Variants in MTA3 observed in about 807,000 individuals in gnomAD.
The protein encoded by MTA3 is metastasis associated 1 family member 3, also known as metastasis-associated protein MTA3.
In MTA3, 34 loss-of-function variants were observed where a neutral mutation model predicts 83.5. That is an observed-to-expected ratio of 0.41 (90% CI 0.31 to 0.54). The LOEUF (loss-of-function observed/expected upper bound fraction) is 0.54. Among genes scored for constraint, MTA3 ranks in the 20% least tolerant of loss-of-function variants. MTA3 has a pLI of 0.33. For missense variants in MTA3, 761 were observed against 726.4 expected, an observed-to-expected ratio of 1.05 and a Z score of -0.55; for synonymous variants, 303 against 252.7, an observed-to-expected ratio of 1.20 and a Z score of -1.89.
chr2:42,621,525 ACTT>A (rs1318093961), intron 4 of MTA3, among the ~76,000 whole-genome samples: 3 of 150,532 alleles, frequency 2.0e-5, no homozygotes, highest in African/African-American at 7.3e-5. Flanking sequence ...TCCTATGTCT[ACTT>A]CTTTCTACAC....
intron 9 of MTA3, among the ~76,000 whole-genome samples, chr2:42,683,828 G>A (rs962389146): frequency 6.6e-6 from 1 of 152,144 alleles, no homozygotes; most frequent in African/African-American, 2.4e-5. Context: ...AGCTTCGCTC[G>A]CTTGTCCATT....
chr2:42,570,053 G>C (rs1208830946), intron 1 of MTA3, among the ~76,000 whole-genome samples: 1 of 151,868 alleles, frequency 6.6e-6, no homozygotes, highest in African/African-American at 2.4e-5. Context: ...TTTTATGTGA[G>C]AAGCAGCCTG....
At chr2:42,667,586 G>GTT in intron 8 of MTA3, among the ~76,000 whole-genome samples, 1 of 130,050 alleles carries the variant, frequency 7.7e-6, no homozygotes, top group African/African-American at 3.0e-5. Context: ...GTGTGTGTGT[G>GTT]TGTGTGTGTG....
intron 16 of MTA3, among the ~76,000 whole-genome samples, chr2:42,745,054 G>C (rs903869563): frequency 6.6e-6 from 1 of 152,166 alleles, no homozygotes; most frequent in African/African-American, 2.4e-5. Flanking sequence ...CCTTCCAAAT[G>C]ACTGAGCACT....
At chr2:42,518,775 G>A (rs1175797786) in intron 2 of MTA3, among the ~76,000 whole-genome samples, 1 of 151,978 alleles carries the variant, frequency 6.6e-6, no homozygotes, top group African/African-American at 2.4e-5. Context: ...AGACCAACCT[G>A]GGCAACATAG....
intron 7 of MTA3, among the ~76,000 whole-genome samples, chr2:42,659,038 C>T (rs1268902985): frequency 1.3e-5 from 2 of 151,812 alleles, no homozygotes; most frequent in Non-Finnish European, 2.9e-5. Flanking sequence ...GTTGAGGCTG[C>T]AGTGAGCTAT....
intron 16 of MTA3, among the ~76,000 whole-genome samples, chr2:42,731,980 T>C (rs551359424): frequency 8.8e-4 from 134 of 152,326 alleles, no homozygotes; most frequent in African/African-American, 3.1e-3. Flanking sequence ...GGCAGTCAAA[T>C]TTTAAAGCTC....
intron 2 of MTA3, among the ~76,000 whole-genome samples, chr2:42,539,577 C>CTTTTTTT (rs34577240): frequency 2.1e-5 from 2 of 96,650 alleles, no homozygotes; most frequent in Non-Finnish European, 4.0e-5. Flanking sequence ...AATTGTAAAG[C>CTTTTTTT]TTTTTTTTTT....
intron 12 of MTA3, 106 bp downstream of exon 12, chr2:42,704,424 A>C: frequency 7.4e-7 from 1 of 1,356,402 alleles, no homozygotes. Context: ...CTTGGAAGGC[A>C]CAAGCATGTC....
chr2:42,511,006 A>G (rs1674873027), intron 2 of MTA3, among the ~76,000 whole-genome samples: 1 of 152,204 alleles, frequency 6.6e-6, no homozygotes, highest in Admixed American at 6.5e-5. Flanking sequence ...GTTAGCTTTC[A>G]AAAACACCTG....
At chr2:42,601,893 G>A (rs1682624312) in intron 3 of MTA3, among the ~76,000 whole-genome samples, 1 of 151,872 alleles carries the variant, frequency 6.6e-6, no homozygotes, top group Non-Finnish European at 1.5e-5. Flanking sequence ...AGGTTGGAGT[G>A]CAGTGGGATG....
rs763473569 is a variant in MTA3 at position 42,640,157 on chromosome 2, T to A, written c.318-16T>A. 9 of 1,586,792 alleles carry A rather than the reference T, an allele frequency of 5.7e-6. No homozygotes were observed. Among genetic ancestry groups the A allele is most frequent in the Non-Finnish European group, 6.9e-6 (8 of 1,166,672 alleles). On this transcript the variant is annotated splice_polypyrimidine_tract_variant and intron_variant, in intron 4 of 16. Transcript: ENST00000405094. ...GTGGCCTTTGTTACATTTATTCTTT[T>A]TTTCTTTTTCAACAGGGGAAAGTGC...
At chr2:42,618,234 C>G (rs1685140253) in intron 4 of MTA3, among the ~76,000 whole-genome samples, 1 of 152,004 alleles carries the variant, frequency 6.6e-6, no homozygotes. Flanking sequence ...CATGCTCTGC[C>G]CGAAAACAAC....
rs1416830259 is a variant in MTA3 at position 42,682,288 on chromosome 2, TAAA to T, written c.703-112_703-110del. 8.2e-6 allele frequency: 6 copies of T among 728,296 alleles called. No homozygotes were observed. In the African/African-American group the frequency reaches 8.8e-5, roughly 11 times the overall value. 45.1% of individuals were successfully genotyped at this position (728,296 alleles called of 1,614,324 possible). A position where few individuals can be genotyped will look rare whatever the true frequency, so the allele number is the denominator to read the frequency against. The stretch of plus-strand genomic sequence containing the variant: ...ATCTGTTTAAAATTTTGTTAAAAAA[TAAA>T]TAAGTATATTGTTAATTAAGTACAT... On this transcript the variant is annotated intron_variant, in intron 8 of 16. Coordinates refer to ENST00000405094, the MANE Select transcript of MTA3 (RefSeq NM_001330442.2).
chr2:42,553,194 G>C (rs1174824878), intron 2 of MTA3, among the ~76,000 whole-genome samples: 1 of 152,072 alleles, frequency 6.6e-6, no homozygotes, highest in Non-Finnish European at 1.5e-5. Context: ...GGGAGGCCAA[G>C]GTGGGCAGAT....
intron 16 of MTA3, among the ~76,000 whole-genome samples, chr2:42,728,671 C>G (rs1012278504): frequency 6.6e-6 from 1 of 152,252 alleles, no homozygotes; most frequent in African/African-American, 2.4e-5. Flanking sequence ...TAAATGATAC[C>G]TCATTGTAGT....
chr2:42,674,567 G>GGGA (rs1403906602), intron 8 of MTA3, among the ~76,000 whole-genome samples: 1 of 151,604 alleles, frequency 6.6e-6, no homozygotes, highest in East Asian at 1.9e-4. Flanking sequence ...TTAATCTGGA[G>GGGA]GGAAGACTTT....
chr2:42,704,108 A>T, intron 11 of MTA3, 86 bp from the exon 12 acceptor site: 3 of 1,393,946 alleles, frequency 2.2e-6, no homozygotes, highest in Non-Finnish European at 2.9e-6. Flanking sequence ...TGTTTATTAA[A>T]TAGTGACGGT....
chr2:42,638,394 C>CT lies in MTA3; in HGVS notation c.318-1767dup, dbSNP rs1240902591. On this transcript the variant is annotated intron_variant, in intron 4 of 16. Transcript: ENST00000405094. ...ACATGTCAGATAATTGTTACCTTTT[C>CT]TTTTTTTTTTTTGAGACAGGGTCTT... Among the ~76,000 whole-genome samples, 1,181 of 144,712 alleles carry CT rather than the reference C, an allele frequency of 8.2e-3. 10 individuals carry two copies. The highest frequency in any genetic ancestry group is 0.024 in the African/African-American group (964 of 39,788). The allele number at this position is 144,712 out of a possible 152,430, so 94.9% of individuals were successfully genotyped here. A position where few individuals can be genotyped will look rare whatever the true frequency, so the allele number is the denominator to read the frequency against.
Sources: allele counts gnomAD v4.1 joint callset (sites outside exome capture counted in the v4.1 genomes callset), GRCh38; gene constraint gnomAD v4.1.1; transcripts MANE v1.5; gene names NCBI Gene and HGNC (gene_info 2026-07-23, HGNC 2026-07-21).